The following CDH8 variants were observed in gnomAD, a reference collection of about 807,000 sequenced individuals.
The protein encoded by CDH8 is cadherin-8.
CDH8 carries 17 observed loss-of-function variants against 68.1 expected under a neutral mutation model. The observed-to-expected ratio is 0.25, with a 90% CI of 0.17 to 0.37. CDH8 has a LOEUF of 0.37. Ranked by LOEUF, CDH8 falls within the 10% of genes least tolerant of loss-of-function variation. CDH8 has a pLI of 1.00. For synonymous variants in CDH8, 372 were observed against 365.1 expected, an observed-to-expected ratio of 1.02 and a Z score of -0.21; for missense variants, 763 against 999.3, an observed-to-expected ratio of 0.76 and a Z score of 3.19.
In CDH8 at chr16:61,736,112, A is replaced by AAGGAAGG. The variant is rs1959673020; in HGVS notation, c.1415-8898_1415-8897insCCTTCCT. On this transcript the variant is annotated intron_variant, in intron 8 of 11. Transcript: ENST00000577390. ...ACAAGAAAGAAGGAAAGAAAGAAAG[A>AAGGAAGG]AAGGAAGGAAGGAAGGAAGGAAGGA... 2.0e-3 allele frequency among the ~76,000 whole-genome samples: 235 copies of AAGGAAGG among 116,530 alleles called. 1 individual carries two copies. Among genetic ancestry groups the AAGGAAGG allele is most frequent in the African/African-American group, 7.4e-3 (200 of 27,206 alleles). 76.4% of individuals were successfully genotyped at this position (116,530 alleles called of 152,430 possible).
intron 1 of CDH8, among the ~76,000 whole-genome samples, chr16:62,032,958 TC>T (rs1264854665): frequency 6.6e-6 from 1 of 152,164 alleles, no homozygotes; most frequent in Admixed American, 6.5e-5. Flanking sequence ...ATGTTCTTTT[TC>T]CCCACCAATA....
chr16:61,905,837 G>C (rs1964051502), intron 2 of CDH8, among the ~76,000 whole-genome samples: 1 of 151,964 alleles, frequency 6.6e-6, no homozygotes, highest in African/African-American at 2.4e-5. Flanking sequence ...GGAGGTTGCA[G>C]TGAGCCAAGA....
At chr16:61,893,155 T>C (rs962621935) in intron 3 of CDH8, among the ~76,000 whole-genome samples, 2 of 152,130 alleles carry the variant, frequency 1.3e-5, no homozygotes, top group African/African-American at 4.8e-5. Context: ...TCTTCTTGGC[T>C]GTGGCAGCAA....
chr16:62,016,560 ACAAATAAG>A (rs1173864723), intron 2 of CDH8, among the ~76,000 whole-genome samples: 1 of 152,208 alleles, frequency 6.6e-6, no homozygotes, highest in Non-Finnish European at 1.5e-5. Context: ...TAAGACCAGA[ACAAATAAG>A]CATAATTGGG....
intron 2 of CDH8, among the ~76,000 whole-genome samples, chr16:61,931,318 C>A (rs1468676783): frequency 6.6e-6 from 1 of 152,060 alleles, no homozygotes; most frequent in Non-Finnish European, 1.5e-5. Context: ...TGCACACAAC[C>A]ATGCACAGCT....
At chr16:61,690,786 A>C (rs2142829465) in intron 10 of CDH8, among the ~76,000 whole-genome samples, 1 of 152,158 alleles carries the variant, frequency 6.6e-6, no homozygotes, top group South Asian at 2.1e-4. Flanking sequence ...CATAATTGAA[A>C]TCTTTGAAAC....
chr16:61,974,400 G>A (rs771041238), intron 2 of CDH8, among the ~76,000 whole-genome samples: 4 of 152,184 alleles, frequency 2.6e-5, no homozygotes, highest in Non-Finnish European at 4.4e-5. Flanking sequence ...ATTCTGCTAA[G>A]CCTAGCAATG....
intron 3 of CDH8, among the ~76,000 whole-genome samples, chr16:61,880,172 C>T (rs1267409299): frequency 1.3e-5 from 2 of 152,152 alleles, no homozygotes; most frequent in African/African-American, 2.4e-5. Flanking sequence ...GATCTGCCTG[C>T]CTTGGCATCC....
At chr16:61,964,533 G>T (rs1404269797) in intron 2 of CDH8, among the ~76,000 whole-genome samples, 1 of 133,530 alleles carries the variant, frequency 7.5e-6, no homozygotes, top group Non-Finnish European at 1.7e-5. Flanking sequence ...CAAGCTGAGA[G>T]ATTTTTTTTT....
chr16:61,666,927 T>G (rs571246983), intron 10 of CDH8, among the ~76,000 whole-genome samples: 1 of 152,162 alleles, frequency 6.6e-6, no homozygotes, highest in South Asian at 2.1e-4. Context: ...ACAAATATTA[T>G]AGCATCCACA....
intron 1 of CDH8, among the ~76,000 whole-genome samples, chr16:62,030,691 A>G (rs1385264723): frequency 1.3e-5 from 2 of 152,178 alleles, no homozygotes; most frequent in African/African-American, 4.8e-5. Flanking sequence ...CTGCAAATGA[A>G]CTATAAATAT....
chr16:61,728,075 T>C (rs935841845), intron 8 of CDH8, among the ~76,000 whole-genome samples: 6 of 151,254 alleles, frequency 4.0e-5, no homozygotes, highest in Admixed American at 1.3e-4. Flanking sequence ...TTATAAATTA[T>C]ACAGAATGCA....
intron 1 of CDH8, among the ~76,000 whole-genome samples, chr16:62,029,331 A>G (rs1392117604): frequency 6.6e-6 from 1 of 152,192 alleles, no homozygotes; most frequent in African/African-American, 2.4e-5. Context: ...GAAAATTCCA[A>G]TGTTCTGTGT....
chr16:61,988,848 C>A (rs1465726538), intron 2 of CDH8, among the ~76,000 whole-genome samples: 2 of 152,062 alleles, frequency 1.3e-5, no homozygotes, highest in African/African-American at 4.8e-5. Flanking sequence ...TCCAGGAAAT[C>A]CCAATCTTAG....
At chr16:61,992,067 T>C (rs1288297452) in intron 2 of CDH8, among the ~76,000 whole-genome samples, 1 of 137,642 alleles carries the variant, frequency 7.3e-6, no homozygotes, top group Non-Finnish European at 1.6e-5. Flanking sequence ...TGTGTGTGTG[T>C]GTGTGTGTGT....
intron 8 of CDH8, among the ~76,000 whole-genome samples, chr16:61,739,910 TATGTA>T (rs1478080047): frequency 0.024 from 1,768 of 75,052 alleles, 69 homozygotes; most frequent in African/African-American, 0.11. Flanking sequence ...TATATATATA[TATGTA>T]TTTTTTTTTT....
At chr16:61,675,686 T>C (rs1397318391) in intron 10 of CDH8, among the ~76,000 whole-genome samples, 1 of 151,360 alleles carries the variant, frequency 6.6e-6, no homozygotes, top group Non-Finnish European at 1.5e-5. Context: ...TATTGACTGA[T>C]TAAATTAAAA....
chr16:61,753,725 A>C lies in CDH8; in HGVS notation c.1415-26510T>G, dbSNP rs768370521. ...ATTTTTTAATTATAGTCGGTAAAAAAGTACTACACTTTATAATCCAAATCC... is the reference window on the plus strand; with the variant it reads ...ATTTTTTAATTATAGTCGGTAAAAACGTACTACACTTTATAATCCAAATCC... On this transcript the variant is annotated intron_variant, in intron 8 of 11. Transcript: ENST00000577390. Among the ~76,000 whole-genome samples the C allele has an allele frequency of 4.6e-5, 7 of 152,220 alleles. No individual in the cohort carries two copies. The South Asian group carries it at 1.5e-3, about 32-fold the overall frequency.
At chr16:61,718,248 T>G (rs1206339807) in intron 9 of CDH8, among the ~76,000 whole-genome samples, 1 of 151,490 alleles carries the variant, frequency 6.6e-6, no homozygotes, top group Non-Finnish European at 1.5e-5. Context: ...TCTTGATTGA[T>G]TCTAACCAGT....
Sources: gnomAD v4.1 joint callset for allele counts (sites outside exome capture counted in the v4.1 genomes callset) on GRCh38, gnomAD v4.1.1 for gene constraint, MANE v1.5 for transcripts, NCBI Gene and HGNC (gene_info 2026-07-23, HGNC 2026-07-21) for gene names.